Variants in RBMS3 observed in about 807,000 individuals in gnomAD.
RBMS3 encodes the protein RNA binding motif single stranded interacting protein 3, also known as RNA-binding motif, single-stranded-interacting protein 3.
In RBMS3, 27 loss-of-function variants were observed where a neutral mutation model predicts 66.8. That is an observed-to-expected ratio of 0.40 (90% CI 0.30 to 0.56). The LOEUF is 0.56. Ranked by LOEUF, RBMS3 falls within the 20% of genes least tolerant of loss-of-function variation. RBMS3 has a pLI of 0.40. For missense variants in RBMS3, 513 were observed against 549.5 expected, an observed-to-expected ratio of 0.93 and a Z score of 0.66; for synonymous variants, 188 against 183.0, an observed-to-expected ratio of 1.03 and a Z score of -0.22.
intron 6 of RBMS3, among the ~76,000 whole-genome samples, chr3:29,846,563 A>G (rs1448947215): frequency 6.6e-6 from 1 of 152,178 alleles, no homozygotes; most frequent in Non-Finnish European, 1.5e-5. Context: ...AGTTTAGATT[A>G]TGCCTATTTT....
At chr3:29,586,180 A>G (rs1255198291) in intron 3 of RBMS3, among the ~76,000 whole-genome samples, 5 of 152,208 alleles carry the variant, frequency 3.3e-5, no homozygotes, top group Non-Finnish European at 7.4e-5. Context: ...AAGCATGCCA[A>G]ACAAAGCTGT....
rs1021830818 is a variant in RBMS3 at position 29,575,323 on chromosome 3, C to T, written c.308-11791C>T. On this transcript the variant is annotated intron_variant, in intron 3 of 14. Transcript: ENST00000383767. ...TTTCAGTACTTTAAATATGTCATGC[C>T]ACTCTCTCCTGGCCTGTAAGGTTTC... 2.6e-5 allele frequency among the ~76,000 whole-genome samples: 4 copies of T among 151,574 alleles called. No individual in the cohort carries two copies. The Admixed American group carries it at 2.6e-4, about 10-fold the overall frequency.
At chr3:29,352,820 A>G (rs2036993675) in intron 1 of RBMS3, among the ~76,000 whole-genome samples, 1 of 151,858 alleles carries the variant, frequency 6.6e-6, no homozygotes, top group South Asian at 2.1e-4. Flanking sequence ...TAGCTCCCAC[A>G]TGTGACTGAG....
chr3:29,846,081 T>C (rs1387554135), intron 6 of RBMS3, among the ~76,000 whole-genome samples: 1 of 152,060 alleles, frequency 6.6e-6, no homozygotes, highest in Non-Finnish European at 1.5e-5. Context: ...TTGATTTTTT[T>C]TTTTCGATAT....
chr3:29,961,799 C>T (rs539248014), intron 12 of RBMS3, among the ~76,000 whole-genome samples: 2 of 151,660 alleles, frequency 1.3e-5, no homozygotes, highest in African/African-American at 4.8e-5. Flanking sequence ...CCAGGTCCTT[C>T]CCACAACATG....
chr3:29,304,121 A>T (rs2033855826), intron 1 of RBMS3, among the ~76,000 whole-genome samples: 1 of 151,980 alleles, frequency 6.6e-6, no homozygotes, highest in African/African-American at 2.4e-5. Context: ...ACCATATCAC[A>T]TAGAGAACTC....
chr3:30,003,075 A>AT (rs1699681730), intron 14 of RBMS3, among the ~76,000 whole-genome samples: 1 of 152,050 alleles, frequency 6.6e-6, no homozygotes, highest in Non-Finnish European at 1.5e-5. Flanking sequence ...ACTTACAGAG[A>AT]TAATATAGAG....
At chr3:29,698,404 A>G (rs1371238546) in intron 4 of RBMS3, 2 of 985,388 alleles carry the variant, frequency 2.0e-6, no homozygotes, top group African/African-American at 1.7e-5. Flanking sequence ...TGTAAATTCT[A>G]TAGCCAGGAT....
chr3:29,663,738 C>T (rs2050645521), intron 4 of RBMS3, among the ~76,000 whole-genome samples: 1 of 148,720 alleles, frequency 6.7e-6, no homozygotes, highest in Admixed American at 6.8e-5. Flanking sequence ...ATCAGACATT[C>T]GTAGATTGTT....
chr3:29,853,423 C>CTTTTCTT (rs2058987482), intron 6 of RBMS3, among the ~76,000 whole-genome samples: 1 of 84,538 alleles, frequency 1.2e-5, no homozygotes. Context: ...AATTTACTTT[C>CTTTTCTT]TTTTTTTTTT....
At chr3:29,853,872 C>T (rs554174256) in intron 6 of RBMS3, among the ~76,000 whole-genome samples, 1 of 152,224 alleles carries the variant, frequency 6.6e-6, no homozygotes, top group East Asian at 1.9e-4. Flanking sequence ...CCCCTACTTG[C>T]TAGTTCCTGC....
At chr3:30,000,414 A>G (rs1182814291) in intron 14 of RBMS3, among the ~76,000 whole-genome samples, 2 of 152,226 alleles carry the variant, frequency 1.3e-5, no homozygotes, top group East Asian at 3.8e-4. Flanking sequence ...GATATGGAGA[A>G]ATAGGAATAC....
At chr3:29,884,469 T>TCTCTCTCTCTCTAC (rs1553692501) in intron 8 of RBMS3, among the ~76,000 whole-genome samples, 11 of 66,332 alleles carry the variant, frequency 1.7e-4, no homozygotes, top group African/African-American at 5.3e-4. Context: ...TCTCTCTCTC[T>TCTCTCTCTCTCTAC]CCCCCCCCGC....
At position 29,681,623 on chromosome 3, in the gene RBMS3, C is replaced by T. The variant is rs745772361; in HGVS notation, c.400-58097C>T. Among the ~76,000 whole-genome samples the T allele has an allele frequency of 5.9e-5, 9 of 152,136 alleles. No individual in the cohort carries two copies. The East Asian group carries it at 7.8e-4, about 13-fold the overall frequency. On this transcript the variant is annotated intron_variant, in intron 4 of 14. Coordinates refer to ENST00000383767, the MANE Select transcript of RBMS3 (RefSeq NM_001003793.3). ...CACAGTGTTTGGTTTTCTGTTCCCG[C>T]GTTAGTTTGCTGAGGATAATGGCTT...
At chr3:29,417,480 ATTATC>A (rs1248717243) in intron 1 of RBMS3, among the ~76,000 whole-genome samples, 1 of 152,024 alleles carries the variant, frequency 6.6e-6, no homozygotes, top group Non-Finnish European at 1.5e-5. Context: ...TCTCCCTAAT[ATTATC>A]TTAATTCTCT....
intron 2 of RBMS3, among the ~76,000 whole-genome samples, chr3:29,442,857 T>G (rs1352547178): frequency 1.3e-5 from 2 of 152,142 alleles, no homozygotes; most frequent in African/African-American, 4.8e-5. Context: ...CTCTTACCTT[T>G]TGGAGATTAT....
chr3:29,792,066 T>G (rs1364583708), intron 6 of RBMS3, among the ~76,000 whole-genome samples: 1 of 152,166 alleles, frequency 6.6e-6, no homozygotes, highest in Non-Finnish European at 1.5e-5. Context: ...TTTAAATCAT[T>G]TATTAAAATA....
chr3:29,747,335 G>A (rs2054948162), intron 5 of RBMS3, among the ~76,000 whole-genome samples: 1 of 151,944 alleles, frequency 6.6e-6, no homozygotes, highest in Admixed American at 6.6e-5. Context: ...TAAACTCTCT[G>A]AGCCTCTTTT....
At chr3:29,416,252 A>C (rs945100047) in intron 1 of RBMS3, among the ~76,000 whole-genome samples, 1 of 152,106 alleles carries the variant, frequency 6.6e-6, no homozygotes, top group Non-Finnish European at 1.5e-5. Flanking sequence ...GAAATGTGAG[A>C]TAGTGCAGGT....
Sources: allele counts gnomAD v4.1 joint callset (sites outside exome capture counted in the v4.1 genomes callset), GRCh38; gene constraint gnomAD v4.1.1; transcripts MANE v1.5; gene names NCBI Gene and HGNC (gene_info 2026-07-23, HGNC 2026-07-21).